The following RTF2 variants were observed in gnomAD, a reference collection of about 807,000 sequenced individuals.
RTF2 encodes the protein replication termination factor 2.
Under a neutral mutation model 38.0 loss-of-function variants are expected in RTF2, and 18 were observed. The observed-to-expected ratio is 0.47, with a 90% CI of 0.33 to 0.70. The LOEUF (loss-of-function observed/expected upper bound fraction) is 0.70, where lower values mean the gene tolerates loss of function less well. Among genes scored for constraint, RTF2 ranks in the 30% least tolerant of loss-of-function variants. RTF2 has a pLI of 0.02. For synonymous variants in RTF2, 126 were observed against 137.1 expected (o/e 0.92, Z 0.57); for missense variants, 311 against 379.6 (o/e 0.82, Z 1.50).
intron 5 of RTF2, among the ~76,000 whole-genome samples, chr20:56,487,079 G>T (rs1406530504): frequency 6.6e-6 from 1 of 152,172 alleles, no homozygotes; most frequent in East Asian, 1.9e-4. Flanking sequence ...CTGATCTAAA[G>T]CAATCCAGTT....
chr20:56,473,149 A>C (rs1364325261), intron 1 of RTF2, 152 bp from the exon 2 acceptor site: 1 of 574,342 alleles, frequency 1.7e-6, no homozygotes, highest in Non-Finnish European at 3.1e-6. Flanking sequence ...ACAAACAACA[A>C]ACCAAAAACC....
At chr20:56,495,407 A>G (rs1234157769) in intron 5 of RTF2, 3 of 828,046 alleles carry the variant, frequency 3.6e-6, no homozygotes, top group Non-Finnish European at 5.9e-6. Context: ...GTAGTCAATG[A>G]GAAAAGTAGA....
intron 5 of RTF2, chr20:56,495,121 G>A: frequency 2.2e-6 from 2 of 924,428 alleles, no homozygotes; most frequent in Admixed American, 4.1e-5. Context: ...CCTCCGTCTT[G>A]CCCACTAGGA....
At chr20:56,516,601 A>G in intron 6 of RTF2, 1 of 374,526 alleles carries the variant, frequency 2.7e-6, no homozygotes, top group Non-Finnish European at 4.8e-6. Context: ...GCTTTTGTAT[A>G]CAGTTGTCAC....
rs538025377 is a variant in RTF2, at chr20:56,509,599, G to A, written c.478-3716G>A. ...CTGGACTGCAGCCTGGCGACAAAGC[G>A]AGATCCCATCTCAAAAAAAAAAAAA... On this transcript the variant is annotated intron_variant, in intron 5 of 8. Transcript: ENST00000357348. Among the ~76,000 whole-genome samples the A allele has an allele frequency of 2.1e-5, 3 of 139,754 alleles. No homozygotes were observed. In the South Asian group the frequency reaches 6.8e-4, roughly 31 times the overall value. The allele number at this position is 139,754 out of a possible 152,430, so 91.7% of individuals were successfully genotyped here. A position where few individuals can be genotyped will look rare whatever the true frequency, so the allele number is the denominator to read the frequency against.
chr20:56,515,326 C>A (rs1600837852), intron 6 of RTF2, among the ~76,000 whole-genome samples: 1 of 152,052 alleles, frequency 6.6e-6, no homozygotes, highest in Admixed American at 6.6e-5. Flanking sequence ...CATCCCAGCA[C>A]TTTGGGAGGC....
At chr20:56,500,204 A>G (rs982248234) in intron 5 of RTF2, among the ~76,000 whole-genome samples, 4 of 150,548 alleles carry the variant, frequency 2.7e-5, no homozygotes, top group Admixed American at 6.6e-5. Context: ...ACAGGCATGC[A>G]CCACCACACT....
At chr20:56,496,674 T>G in intron 5 of RTF2, 1 of 1,543,304 alleles carries the variant, frequency 6.5e-7, no homozygotes, top group Non-Finnish European at 8.8e-7. Context: ...GTAGTGTTGC[T>G]CTGGGCTGCG....
At chr20:56,501,294 T>G (rs1424963590) in intron 5 of RTF2, among the ~76,000 whole-genome samples, 1 of 152,226 alleles carries the variant, frequency 6.6e-6, no homozygotes, top group East Asian at 1.9e-4. Flanking sequence ...GTGGCTGTTT[T>G]ATTTCTATAT....
chr20:56,517,319 T>C (rs1680390386), intron 8 of RTF2, 118 bp downstream of exon 8: 2 of 753,320 alleles, frequency 2.7e-6, no homozygotes, highest in Non-Finnish European at 4.6e-6. Flanking sequence ...ATGTCATGTC[T>C]CTAGAGAGTG....
At chr20:56,515,028 C>A (rs530015866) in intron 6 of RTF2, among the ~76,000 whole-genome samples, 4 of 149,144 alleles carry the variant, frequency 2.7e-5, no homozygotes, top group Admixed American at 2.7e-4. Context: ...GCCTGACAGA[C>A]TCCCTCTAAA....
chr20:56,493,145 C>T (rs1983280157), intron 5 of RTF2, among the ~76,000 whole-genome samples: 2 of 152,106 alleles, frequency 1.3e-5, no homozygotes, highest in Non-Finnish European at 1.5e-5. Flanking sequence ...CACTGCCCTC[C>T]AGCCTGGTGA....
intron 5 of RTF2, among the ~76,000 whole-genome samples, chr20:56,484,941 T>C (rs1982715329): frequency 1.3e-5 from 2 of 152,164 alleles, no homozygotes; most frequent in African/African-American, 4.8e-5. Flanking sequence ...ACTGTGTTGT[T>C]GCTCCCTGTT....
intron 5 of RTF2, chr20:56,495,290 T>C: frequency 1.3e-6 from 2 of 1,551,278 alleles, no homozygotes; most frequent in Non-Finnish European, 1.7e-6. Flanking sequence ...GTGTAGCACC[T>C]GGAGCATCTA....
chr20:56,496,323 G>A (rs925376880), intron 5 of RTF2, among the ~76,000 whole-genome samples: 9 of 152,140 alleles, frequency 5.9e-5, no homozygotes, highest in South Asian at 2.1e-4. Flanking sequence ...CGAGGCAGGC[G>A]GATCACCTGA....
intron 5 of RTF2, 33 bp downstream of exon 5, chr20:56,484,222 T>C (rs1982669200): frequency 6.5e-7 from 1 of 1,528,398 alleles, no homozygotes; most frequent in Non-Finnish European, 9.1e-7. Flanking sequence ...TTGTTCCTTC[T>C]CTGTAGCTGA....
intron 5 of RTF2, chr20:56,495,317 A>C: frequency 6.5e-7 from 1 of 1,528,652 alleles, no homozygotes; most frequent in Non-Finnish European, 8.9e-7. Flanking sequence ...AAACAAAACC[A>C]GCATTCAGTG....
chr20:56,472,518 C>T (rs1160371695), intron 1 of RTF2: 1 of 602,050 alleles, frequency 1.7e-6, no homozygotes. Context: ...CCCCAAAACA[C>T]TTATTTCTGT....
rs1406971913 is a variant in RTF2, at chr20:56,507,622, A to C, written c.478-5693A>C. 2.6e-5 allele frequency among the ~76,000 whole-genome samples: 4 copies of C among 152,302 alleles called. No homozygotes were observed. In the East Asian group the frequency reaches 7.7e-4, roughly 29 times the overall value. ...CCTCTGAACAGTCTGATCTAGAGGA[A>C]GGAGACCGCTTACCCCAACACTGTC... On this transcript the variant is annotated intron_variant, in intron 5 of 8. Coordinates refer to ENST00000357348, the MANE Select transcript of RTF2 (RefSeq NM_016407.5).
Sources: allele counts gnomAD v4.1 joint callset (sites outside exome capture counted in the v4.1 genomes callset), GRCh38; gene constraint gnomAD v4.1.1; transcripts MANE v1.5; gene names NCBI Gene and HGNC (gene_info 2026-07-23, HGNC 2026-07-21).